Variants in ZBTB24 observed in about 807,000 individuals in gnomAD.
ZBTB24 encodes the protein zinc finger and BTB domain containing 24.
ZBTB24 carries 32 observed loss-of-function variants against 53.8 expected under a neutral mutation model. That is an observed-to-expected ratio of 0.60 (90% CI 0.45 to 0.80). ZBTB24 has a LOEUF of 0.80. Ranked by LOEUF, ZBTB24 falls within the 30% of genes least tolerant of loss-of-function variation. The pLI is 0.00. For missense variants in ZBTB24, 722 were observed against 837.1 expected (o/e 0.86, Z 1.70); for synonymous variants, 297 against 306.7 (o/e 0.97, Z 0.33).
chr6:109,477,437 CA>C (rs1425544802), intron 2 of ZBTB24, among the ~76,000 whole-genome samples: 1 of 152,204 alleles, frequency 6.6e-6, no homozygotes, highest in Non-Finnish European at 1.5e-5. Context: ...AGGCATGAGC[CA>C]CCACACCCAG....
rs1775972185 is a variant in ZBTB24 at position 109,463,977 on chromosome 6, G to A, written c.*1874C>T. The A allele has an allele frequency of 6.6e-6, 1 of 152,138 alleles. No individual in the cohort carries two copies. Among genetic ancestry groups the A allele is most frequent in the Non-Finnish European group, 1.5e-5 (1 of 68,020 alleles). The allele number at this position is 152,138 out of a possible 1,614,324, so 9.4% of individuals were successfully genotyped here. ...AAATAGCTATGTAACCGTATTTTCT[G>A]AATAATCACCTAGCTATCCAGAGTG... is the stretch of plus-strand genomic sequence containing the variant. On this transcript the variant is annotated 3_prime_UTR_variant, in exon 7 of 7. Coordinates refer to ENST00000230122, the MANE Select transcript of ZBTB24 (RefSeq NM_014797.3).
At chr6:109,473,302 GCT>G (rs1377186919) in intron 5 of ZBTB24, among the ~76,000 whole-genome samples, 1 of 151,974 alleles carries the variant, frequency 6.6e-6, no homozygotes, top group Non-Finnish European at 1.5e-5. Context: ...CCTACTCCCA[GCT>G]CTCTGGCTGC....
At chr6:109,472,737 C>T (rs976244452) in intron 5 of ZBTB24, among the ~76,000 whole-genome samples, 1 of 152,216 alleles carries the variant, frequency 6.6e-6, no homozygotes, top group African/African-American at 2.4e-5. Flanking sequence ...ACATGGATGT[C>T]AAATAGACAC....
In ZBTB24 at chr6:109,463,309, G is replaced by C. The variant is rs1775945915; in HGVS notation, c.*2542C>G. 1 of 152,092 alleles carries C rather than the reference G, an allele frequency of 6.6e-6. No homozygotes were observed. The highest frequency in any genetic ancestry group is 2.4e-5 in the African/African-American group (1 of 41,404). The allele number at this position is 152,092 out of a possible 1,614,324, so 9.4% of individuals were successfully genotyped here. A position where few individuals can be genotyped will look rare whatever the true frequency, so the allele number is the denominator to read the frequency against. Reference sequence around the variant, plus strand: ...GTCATTGAACTTTTTTATTCAAAGGGGTAGAATGTATATGTGGGACAAAGA... The same window carrying C: ...GTCATTGAACTTTTTTATTCAAAGGCGTAGAATGTATATGTGGGACAAAGA... On this transcript the variant is annotated 3_prime_UTR_variant, in exon 7 of 7. Coordinates refer to ENST00000230122, the MANE Select transcript of ZBTB24 (RefSeq NM_014797.3).
Position 109,466,362 on chromosome 6 carries a change from C to G in ZBTB24, c.1583G>C (p.Ser528Thr), listed in dbSNP as rs768489629. The change falls in exon 7 of 7, where the codon AGT becomes ACT. Residue 528 changes from serine to threonine, a missense_variant. Physicochemically the swap from Ser to Thr is moderately conservative, Grantham distance 58 (BLOSUM62 1). Coordinates refer to ENST00000230122, the MANE Select transcript of ZBTB24 (RefSeq NM_014797.3). ...ASDASSISGS[S>T]NTEEVRNILQ... ...AATATTCCTGACCTCTTCTGTATTA[C>G]TACTGCCAGAAATGCTGCTGGCATC... 4 of 1,614,206 alleles carry G rather than the reference C, an allele frequency of 2.5e-6. No homozygotes were observed. Among genetic ancestry groups the G allele is most frequent in the South Asian group, 2.2e-5 (2 of 91,074 alleles).
chr6:109,479,772 T>C (rs1004069882), intron 2 of ZBTB24, among the ~76,000 whole-genome samples: 27 of 151,806 alleles, frequency 1.8e-4, no homozygotes, highest in African/African-American at 6.5e-4. Context: ...AAAAATTAGC[T>C]GGGCGTGGTG....
At chr6:109,473,668 C>T (rs1333874860) in intron 5 of ZBTB24, among the ~76,000 whole-genome samples, 1 of 152,214 alleles carries the variant, frequency 6.6e-6, no homozygotes, top group East Asian at 1.9e-4. Flanking sequence ...CCATCTCATT[C>T]ACTGCTGTAT....
chr6:109,482,561 C>A (rs1237415055), intron 1 of ZBTB24, among the ~76,000 whole-genome samples: 1 of 151,098 alleles, frequency 6.6e-6, no homozygotes, highest in African/African-American at 2.4e-5. Context: ...GGCGCAATCT[C>A]GGCTCACTGC....
Position 109,464,343 on chromosome 6 carries a change from A to T in ZBTB24, c.*1508T>A, listed in dbSNP as rs1029843049. 2.0e-5 allele frequency: 3 copies of T among 152,180 alleles called. No homozygotes were observed. The highest frequency in any genetic ancestry group is 7.2e-5 in the African/African-American group (3 of 41,440). 9.4% of individuals were successfully genotyped at this position (152,180 alleles called of 1,614,324 possible). A position where few individuals can be genotyped will look rare whatever the true frequency, so the allele number is the denominator to read the frequency against. On this transcript the variant is annotated 3_prime_UTR_variant, in exon 7 of 7. Coordinates refer to ENST00000230122, the MANE Select transcript of ZBTB24 (RefSeq NM_014797.3). ...TTCTCTATTACTCTAACCTCCAAAT[A>T]ACTTATTTGATTTAGGGAGAAATCA...
intron 4 of ZBTB24, 70 bp downstream of exon 4, chr6:109,476,105 C>G: frequency 3.2e-6 from 5 of 1,557,782 alleles, no homozygotes; most frequent in Non-Finnish European, 3.5e-6. Flanking sequence ...CAATATAAAC[C>G]TAATGTTTCA....
At position 109,462,902 on chromosome 6, in the gene ZBTB24, G is replaced by A. The variant is rs1775924197; in HGVS notation, c.*2949C>T. On this transcript the variant is annotated 3_prime_UTR_variant, in exon 7 of 7. Transcript: ENST00000230122. ...GTACACATTTAGTAGAAAATGAATT[G>A]TGAAACACTGCACTAGCAACATCAT... 6.6e-6 allele frequency: 1 copy of A among 152,216 alleles called. No homozygotes were observed. The highest frequency in any genetic ancestry group is 2.4e-5 in the African/African-American group (1 of 41,450). 9.4% of individuals were successfully genotyped at this position (152,216 alleles called of 1,614,324 possible). A position where few individuals can be genotyped will look rare whatever the true frequency, so the allele number is the denominator to read the frequency against.
Position 109,466,348 on chromosome 6 carries a change from C to T in ZBTB24, c.1597G>A (p.Val533Ile). Residue 533 changes from valine (V) to isoleucine (I), a missense_variant, in exon 7 of 7, where the codon GTC (valine) becomes ATC (isoleucine). Coordinates refer to ENST00000230122, the MANE Select transcript of ZBTB24 (RefSeq NM_014797.3). ...SISGSSNTEEVRNILQLQPYQ... is the reference protein window; with the variant it reads ...SISGSSNTEEIRNILQLQPYQ... ...GGCTGTAGCTGAAGAATATTCCTGA[C>T]CTCTTCTGTATTACTACTGCCAGAA... The T allele has an allele frequency of 6.2e-7, 1 of 1,614,218 alleles. No homozygotes were observed. The highest frequency in any genetic ancestry group is 8.5e-7 in the Non-Finnish European group (1 of 1,180,042).
At position 109,465,662 on chromosome 6, in the gene ZBTB24, A is replaced by G; in HGVS notation, c.*189T>C. The G allele has an allele frequency of 6.4e-7, 1 of 1,574,362 alleles. No homozygotes were observed. The highest frequency in any genetic ancestry group is 8.6e-7 in the Non-Finnish European group (1 of 1,166,260). On this transcript the variant is annotated 3_prime_UTR_variant, in exon 7 of 7. Transcript: ENST00000230122. Reference sequence around the variant, plus strand: ...ATTGAAATGCTCAATACAAATCAGTACCTTAGACAAGACATACACACATCT... The same window carrying G: ...ATTGAAATGCTCAATACAAATCAGTGCCTTAGACAAGACATACACACATCT...
rs1288046821 is a variant in ZBTB24, at chr6:109,463,686, G to A, written c.*2165C>T. 4 of 152,140 alleles carry A rather than the reference G, an allele frequency of 2.6e-5. No individual in the cohort carries two copies. The East Asian group carries it at 7.7e-4, about 29-fold the overall frequency. The allele number at this position is 152,140 out of a possible 1,614,324, so 9.4% of individuals were successfully genotyped here. Reference sequence around the variant, plus strand: ...TCCAATGAACATTAGCATCCAAATGGAGATGTGCAGAAAGTGTAAAATACA... The same window carrying A: ...TCCAATGAACATTAGCATCCAAATGAAGATGTGCAGAAAGTGTAAAATACA... On this transcript the variant is annotated 3_prime_UTR_variant, in exon 7 of 7. Coordinates refer to ENST00000230122, the MANE Select transcript of ZBTB24 (RefSeq NM_014797.3).
In ZBTB24 at chr6:109,481,622, T is replaced by C; in HGVS notation, c.405A>G (p.Pro135=). 6.2e-7 allele frequency: 1 copy of C among 1,614,190 alleles called. No individual in the cohort carries two copies. The highest frequency in any genetic ancestry group is 8.5e-7 in the Non-Finnish European group (1 of 1,180,038). ...CAGCAGTGTTCAAAGTTGTTGGCTT[T>C]GGGGAGCTATGATTATTTTGGAAGT... is the stretch of plus-strand genomic sequence containing the variant. The part of the protein sequence containing the change: ...YTDFQNNHSS[P]KPTTLNTAGA... The change falls in exon 2 of 7, where the codon CCA becomes CCG. Residue 135 remains proline (P), a synonymous_variant. Transcript: ENST00000230122.
rs1775968662 is a variant in ZBTB24, at chr6:109,463,880, CCT to C, written c.*1969_*1970del. 2 of 152,152 alleles carry C rather than the reference CCT, an allele frequency of 1.3e-5. No individual in the cohort carries two copies. The highest frequency in any genetic ancestry group is 4.8e-5 in the African/African-American group (2 of 41,414). The allele number at this position is 152,152 out of a possible 1,614,324, so 9.4% of individuals were successfully genotyped here. On this transcript the variant is annotated 3_prime_UTR_variant, in exon 7 of 7. Transcript: ENST00000230122. The stretch of plus-strand genomic sequence containing the variant: ...GTTGCTACTAGAACATTTAAAGTGA[CCT>C]ATGTTGTTCATGTTATAGTTCTCTT...
intron 1 of ZBTB24, among the ~76,000 whole-genome samples, chr6:109,482,647 A>C (rs1776452539): frequency 6.6e-6 from 1 of 151,926 alleles, no homozygotes; most frequent in Admixed American, 6.5e-5. Flanking sequence ...GTGACTCTCC[A>C]GTATTCATGG....
intron 5 of ZBTB24, among the ~76,000 whole-genome samples, chr6:109,470,170 T>C (rs1776136384): frequency 6.6e-6 from 1 of 152,098 alleles, no homozygotes; most frequent in Non-Finnish European, 1.5e-5. Flanking sequence ...AAGAAGTGTG[T>C]TACAAGAGGA....
In ZBTB24 at chr6:109,465,542, A is replaced by T; in HGVS notation, c.*309T>A. ...CCATAACCTATGGCTGTGAACATTT[A>T]AACCTTACAGAAAAACTGAGATCAA... On this transcript the variant is annotated 3_prime_UTR_variant, in exon 7 of 7. Transcript: ENST00000230122. 2 of 1,100,778 alleles carry T rather than the reference A, an allele frequency of 1.8e-6. No homozygotes were observed. The highest frequency in any genetic ancestry group is 2.6e-6 in the Non-Finnish European group (2 of 775,704). 68.2% of individuals were successfully genotyped at this position (1,100,778 alleles called of 1,614,324 possible).
Sources: gnomAD v4.1 joint callset for allele counts (sites outside exome capture counted in the v4.1 genomes callset) on GRCh38, gnomAD v4.1.1 for gene constraint, MANE v1.5 for transcripts, NCBI Gene and HGNC (gene_info 2026-07-23, HGNC 2026-07-21) for gene names.